The following CHRM2 variants were observed in gnomAD, a reference collection of about 807,000 sequenced individuals.
CHRM2 encodes muscarinic acetylcholine receptor M2.
In CHRM2, 8 loss-of-function variants were observed where a neutral mutation model predicts 25.0. The ratio of observed to expected loss-of-function variants is 0.32; its 90% CI spans 0.19 to 0.58. The LOEUF is 0.58. Among genes scored for constraint, CHRM2 ranks in the 20% least tolerant of loss-of-function variants. The pLI is 0.88. For synonymous variants in CHRM2, 202 were observed against 205.7 expected (o/e 0.98, Z 0.15); for missense variants, 440 against 567.1 (o/e 0.78, Z 2.28).
chr7:137,009,566 G>C lies in CHRM2; in HGVS notation c.-46-5254G>C, dbSNP rs1414352718. On this transcript the variant is annotated intron_variant, in intron 3 of 3. Transcript: ENST00000680005. Reference sequence around the variant, plus strand: ...GTCCCAACTCAATGTTGGGGTGTTGGACTTAGTCATATCAGGTCAGAAGGA... The same window carrying C: ...GTCCCAACTCAATGTTGGGGTGTTGCACTTAGTCATATCAGGTCAGAAGGA... 2.0e-5 allele frequency among the ~76,000 whole-genome samples: 3 copies of C among 151,994 alleles called. No individual in the cohort carries two copies. The East Asian group carries it at 5.8e-4, about 29-fold the overall frequency.
chr7:137,000,730 C>CT (rs994780362), intron 3 of CHRM2, among the ~76,000 whole-genome samples: 45 of 140,702 alleles, frequency 3.2e-4, no homozygotes, highest in Middle Eastern at 3.7e-3. Context: ...GTCTGTTCAC[C>CT]TTTTTTTTTT....
At chr7:136,982,354 G>T (rs937781561) in intron 2 of CHRM2, among the ~76,000 whole-genome samples, 20 of 152,194 alleles carry the variant, frequency 1.3e-4, no homozygotes, top group African/African-American at 4.3e-4. Context: ...CATGAGATGG[G>T]TCTCCTGAAT....
chr7:136,983,658 CTCT>C lies in CHRM2; in HGVS notation c.-124-8526_-124-8524del, dbSNP rs532220864. Among the ~76,000 whole-genome samples the C allele has an allele frequency of 1.6e-3, 244 of 152,306 alleles. 1 individual carries two copies. Among genetic ancestry groups the C allele is most frequent in the African/African-American group, 5.6e-3 (231 of 41,568 alleles). On this transcript the variant is annotated intron_variant, in intron 2 of 3. Coordinates refer to ENST00000680005, the MANE Select transcript of CHRM2 (RefSeq NM_001006630.2). The stretch of plus-strand genomic sequence containing the variant: ...TTGTTTATGTTGATGCTACTGCTTT[CTCT>C]TCGTGAGTTTTCCTTCTAACAGTCA...
At chr7:136,969,678 A>G (rs1801637993) in intron 2 of CHRM2, among the ~76,000 whole-genome samples, 1 of 151,958 alleles carries the variant, frequency 6.6e-6, no homozygotes, top group Non-Finnish European at 1.5e-5. Flanking sequence ...CACCTTTCCA[A>G]CGTCCTTCTG....
At chr7:136,977,118 C>A (rs1563102539) in intron 2 of CHRM2, among the ~76,000 whole-genome samples, 1 of 152,202 alleles carries the variant, frequency 6.6e-6, no homozygotes, top group Non-Finnish European at 1.5e-5. Flanking sequence ...CCAAGAGAAG[C>A]TCTCCACATG....
chr7:137,009,196 A>G (rs886142831), intron 3 of CHRM2, among the ~76,000 whole-genome samples: 2 of 152,048 alleles, frequency 1.3e-5, no homozygotes, highest in Non-Finnish European at 2.9e-5. Flanking sequence ...AGAAAATTCC[A>G]TTTGTTTTTT....
At chr7:136,876,359 T>C (rs1776070410) in intron 2 of CHRM2, among the ~76,000 whole-genome samples, 1 of 152,170 alleles carries the variant, frequency 6.6e-6, no homozygotes, top group Non-Finnish European at 1.5e-5. Context: ...CCATATTTTA[T>C]AAATGATGGC....
At chr7:136,895,152 A>G (rs1456096551) in intron 2 of CHRM2, among the ~76,000 whole-genome samples, 1 of 152,220 alleles carries the variant, frequency 6.6e-6, no homozygotes, top group Non-Finnish European at 1.5e-5. Flanking sequence ...TTATAGTTAT[A>G]CAAAGTATTT....
chr7:136,952,211 G>A lies in CHRM2; in HGVS notation c.-124-39976G>A, dbSNP rs148132119. On this transcript the variant is annotated intron_variant, in intron 2 of 3. Transcript: ENST00000680005. The stretch of plus-strand genomic sequence containing the variant: ...CATTTGGAACAGGACAAATAATTAT[G>A]CGTTTCTAATATGATGACATAAAAT... 3.8e-3 allele frequency among the ~76,000 whole-genome samples: 575 copies of A among 152,250 alleles called. 8 individuals carry two copies. Among genetic ancestry groups the A allele is most frequent in the African/African-American group, 0.013 (551 of 41,548 alleles).
intron 2 of CHRM2, among the ~76,000 whole-genome samples, chr7:136,987,285 C>T (rs1008693642): frequency 2.0e-5 from 3 of 152,196 alleles, no homozygotes; most frequent in African/African-American, 7.2e-5. Context: ...GCAAGACAAT[C>T]ATTTAGGGGC....
intron 2 of CHRM2, among the ~76,000 whole-genome samples, chr7:136,971,419 C>T (rs1363652013): frequency 6.6e-6 from 1 of 151,928 alleles, no homozygotes; most frequent in African/African-American, 2.4e-5. Context: ...AGTTTGAGAC[C>T]AGCCTGACCA....
rs897030506 is a variant in CHRM2 at position 136,869,124 on chromosome 7, G to T, written c.-283+132G>T. On this transcript the variant is annotated intron_variant, in intron 1 of 3. Coordinates refer to ENST00000680005, the MANE Select transcript of CHRM2 (RefSeq NM_001006630.2). The surrounding 1 kb of genome is among the most constrained non-coding windows in gnomAD (Gnocchi z 4.9). ...TGGCTGAGACGAGTGTGGGGTGCGT[G>T]ACTCTGCCTGCGCGCGCGCCAGCCC... 6.6e-6 allele frequency: 1 copy of T among 152,332 alleles called. No homozygotes were observed. Among genetic ancestry groups the T allele is most frequent in the Non-Finnish European group, 1.5e-5 (1 of 68,164 alleles). 9.4% of individuals were successfully genotyped at this position (152,332 alleles called of 1,614,324 possible).
chr7:136,935,307 C>T (rs187901674), intron 2 of CHRM2, among the ~76,000 whole-genome samples: 21 of 152,084 alleles, frequency 1.4e-4, no homozygotes, highest in Admixed American at 7.2e-4. Context: ...ATAAAGCATG[C>T]GGCATCAATT....
chr7:136,883,150 T>A (rs1796331050), intron 2 of CHRM2, among the ~76,000 whole-genome samples: 1 of 152,152 alleles, frequency 6.6e-6, no homozygotes, highest in Admixed American at 6.6e-5. Context: ...GCACTACTTC[T>A]GCCTTAACAG....
intron 2 of CHRM2, among the ~76,000 whole-genome samples, chr7:136,953,047 T>C (rs567910241): frequency 1.3e-5 from 2 of 152,316 alleles, no homozygotes; most frequent in South Asian, 2.1e-4. Flanking sequence ...TAAATGTGCA[T>C]GTGTCTTTAT....
chr7:136,930,828 C>G (rs191553667), intron 2 of CHRM2, among the ~76,000 whole-genome samples: 3 of 132,360 alleles, frequency 2.3e-5, no homozygotes, highest in Non-Finnish European at 4.7e-5. Flanking sequence ...ACCTGGGAGG[C>G]GGAGTTTGCA....
At chr7:136,938,314 ATGT>A (rs1799539931) in intron 2 of CHRM2, 32 of 1,341,970 alleles carry the variant, frequency 2.4e-5, no homozygotes, top group Middle Eastern at 1.9e-4. Flanking sequence ...GCTCTCGAAC[ATGT>A]TGTCCATGTT....
chr7:136,925,444 G>C (rs1423746686), intron 2 of CHRM2, among the ~76,000 whole-genome samples: 7 of 151,978 alleles, frequency 4.6e-5, no homozygotes, highest in African/African-American at 1.7e-4. Flanking sequence ...ACAATTAAGT[G>C]GTAAGTAAAA....
intron 2 of CHRM2, among the ~76,000 whole-genome samples, chr7:136,894,547 T>C (rs775977967): frequency 2.0e-5 from 3 of 152,066 alleles, no homozygotes; most frequent in Non-Finnish European, 2.9e-5. Flanking sequence ...AATTTTTGTA[T>C]TTTTAGTGGA....
Sources: allele counts gnomAD v4.1 joint callset (sites outside exome capture counted in the v4.1 genomes callset), GRCh38; gene constraint gnomAD v4.1.1; non-coding constraint Gnocchi (gnomAD v3.1); transcripts MANE v1.5; gene names NCBI Gene and HGNC (gene_info 2026-07-23, HGNC 2026-07-21).